The following DGKB variants were observed in gnomAD, a reference collection of about 807,000 sequenced individuals.
DGKB encodes the protein 90 kDa diacylglycerol kinase.
A neutral mutation model predicts 114.3 loss-of-function variants in DGKB; 67 were observed. The observed-to-expected ratio is 0.59, with a 90% CI of 0.48 to 0.72. The LOEUF (loss-of-function observed/expected upper bound fraction) is 0.72. Among genes scored for constraint, DGKB ranks in the 30% least tolerant of loss-of-function variants. The probability of loss-of-function intolerance (pLI) is 0.00; values close to 1 mark genes in which losing one functional copy is unlikely to be tolerated. For synonymous variants in DGKB, 398 were observed against 323.1 expected, an observed-to-expected ratio of 1.23 and a Z score of -2.49; for missense variants, 907 against 975.2, an observed-to-expected ratio of 0.93 and a Z score of 0.93.
At chr7:14,506,240 C>G (rs1254568474) in intron 20 of DGKB, among the ~76,000 whole-genome samples, 1 of 152,094 alleles carries the variant, frequency 6.6e-6, no homozygotes, top group African/African-American at 2.4e-5. Context: ...TAGATGTAAA[C>G]TCACCCACAT....
In DGKB at chr7:14,962,593, T is replaced by C. The variant is rs1786911544; in HGVS notation, c.-188+12103A>G. Among the ~76,000 whole-genome samples, 3 of 151,930 alleles carry C rather than the reference T, an allele frequency of 2.0e-5. 1 individual carries two copies. In the South Asian group the frequency reaches 6.2e-4, roughly 31 times the overall value. ...CTTTCACATAACAGATTAATATTTA[T>C]GGAGTGCTTTGTAAATAGCTATAGC... On this transcript the variant is annotated intron_variant, in intron 1 of 4. Coordinates refer to the DGKB transcript ENST00000437998.
chr7:14,759,735 T>G (rs970288824), intron 2 of DGKB, among the ~76,000 whole-genome samples: 2 of 152,194 alleles, frequency 1.3e-5, no homozygotes, highest in Non-Finnish European at 2.9e-5. Context: ...TACACGTTTT[T>G]GTATAAACAT....
intron 21 of DGKB, among the ~76,000 whole-genome samples, chr7:14,443,675 C>G (rs1830366577): frequency 6.6e-6 from 1 of 151,992 alleles, no homozygotes; most frequent in South Asian, 2.1e-4. Flanking sequence ...TAAAGGTTCT[C>G]TCATTCTCTC....
intron 1 of DGKB, among the ~76,000 whole-genome samples, chr7:14,901,533 G>T (rs1448454717): frequency 2.0e-5 from 3 of 151,678 alleles, no homozygotes; most frequent in South Asian, 4.2e-4. Flanking sequence ...CTAATACAGT[G>T]TTTTCTCCAA....
intron 12 of DGKB, among the ~76,000 whole-genome samples, chr7:14,674,148 A>C (rs990089662): frequency 3.3e-5 from 5 of 151,810 alleles, no homozygotes; most frequent in African/African-American, 1.2e-4. Context: ...ATTGGAGTTA[A>C]GATGACTTGT....
chr7:14,946,391 T>C (rs1025958314), intron 1 of DGKB, among the ~76,000 whole-genome samples: 33 of 151,790 alleles, frequency 2.2e-4, no homozygotes, highest in African/African-American at 8.0e-4. Flanking sequence ...CTCCCATTTG[T>C]TTTTACACTG....
chr7:14,801,786 T>C (rs972781484), intron 2 of DGKB, among the ~76,000 whole-genome samples: 4 of 152,114 alleles, frequency 2.6e-5, no homozygotes, highest in African/African-American at 9.6e-5. Flanking sequence ...CTTATTAGCC[T>C]ATTGCTCATA....
intron 1 of DGKB, among the ~76,000 whole-genome samples, chr7:14,908,899 T>A (rs913397020): frequency 1.3e-5 from 2 of 152,208 alleles, no homozygotes; most frequent in African/African-American, 4.8e-5. Flanking sequence ...ATAACAAAAC[T>A]CATTATCATT....
intron 21 of DGKB, among the ~76,000 whole-genome samples, chr7:14,350,580 G>A (rs2128604941): frequency 6.6e-6 from 1 of 151,972 alleles, no homozygotes; most frequent in South Asian, 2.1e-4. Context: ...TTGACTTAGT[G>A]AAACTACTCT....
chr7:14,197,852 G>A (rs544496413), intron 23 of DGKB, among the ~76,000 whole-genome samples: 1 of 152,086 alleles, frequency 6.6e-6, no homozygotes, highest in Non-Finnish European at 1.5e-5. Flanking sequence ...TTCATCGAGT[G>A]AAAAGGTAGG....
intron 23 of DGKB, among the ~76,000 whole-genome samples, chr7:14,189,090 A>C (rs1163802469): frequency 2.6e-5 from 4 of 152,216 alleles, no homozygotes; most frequent in Admixed American, 2.6e-4. Flanking sequence ...AAACAAGTGA[A>C]AGTATAAAAC....
At chr7:14,728,773 A>T (rs1010769941) in intron 5 of DGKB, among the ~76,000 whole-genome samples, 1 of 147,922 alleles carries the variant, frequency 6.8e-6, no homozygotes, top group African/African-American at 2.5e-5. Flanking sequence ...GCGCCATCTC[A>T]GCTCACTGCA....
chr7:14,563,266 G>A (rs969974009), intron 20 of DGKB, among the ~76,000 whole-genome samples: 51 of 152,204 alleles, frequency 3.4e-4, no homozygotes, highest in African/African-American at 1.2e-3. Flanking sequence ...TTTATTAGCG[G>A]CATGAGAACA....
intron 20 of DGKB, among the ~76,000 whole-genome samples, chr7:14,550,855 T>C (rs1408738597): frequency 6.6e-6 from 1 of 152,200 alleles, no homozygotes; most frequent in Non-Finnish European, 1.5e-5. Context: ...GTAGATAATG[T>C]AGAAATAAAA....
intron 21 of DGKB, among the ~76,000 whole-genome samples, chr7:14,402,771 T>C (rs906104286): frequency 2.0e-5 from 3 of 151,920 alleles, no homozygotes; most frequent in African/African-American, 7.2e-5. Context: ...ATGATTAACA[T>C]GTAAATCAGT....
intron 23 of DGKB, among the ~76,000 whole-genome samples, chr7:14,271,739 G>C (rs920114350): frequency 6.6e-6 from 1 of 152,204 alleles, no homozygotes; most frequent in Non-Finnish European, 1.5e-5. Flanking sequence ...AAAGCTTTTA[G>C]TTGGGACTTA....
chr7:14,367,433 T>C (rs1816863509), intron 21 of DGKB, among the ~76,000 whole-genome samples: 1 of 152,028 alleles, frequency 6.6e-6, no homozygotes, highest in South Asian at 2.1e-4. Flanking sequence ...GCACACACTC[T>C]TGCCTGATGC....
At chr7:14,659,025 A>G (rs1816462735) in intron 13 of DGKB, among the ~76,000 whole-genome samples, 1 of 151,864 alleles carries the variant, frequency 6.6e-6, no homozygotes, top group African/African-American at 2.4e-5. Flanking sequence ...CTAGGTTTCA[A>G]GCCCCACATG....
At chr7:14,508,246 T>C (rs1037957702) in intron 20 of DGKB, among the ~76,000 whole-genome samples, 1 of 152,220 alleles carries the variant, frequency 6.6e-6, no homozygotes, top group Non-Finnish European at 1.5e-5. Flanking sequence ...ATTGTGGCTC[T>C]ATTAAATATT....
Sources: gnomAD v4.1 joint callset for allele counts (sites outside exome capture counted in the v4.1 genomes callset) on GRCh38, gnomAD v4.1.1 for gene constraint, MANE v1.5 for transcripts, NCBI Gene and HGNC (gene_info 2026-07-23, HGNC 2026-07-21) for gene names.